Variants in BLM observed in about 807,000 individuals in gnomAD.
BLM encodes the protein BLM RecQ like helicase.
BLM carries 95 observed loss-of-function variants against 135.3 expected under a neutral mutation model. That is an observed-to-expected ratio of 0.70 (90% CI 0.59 to 0.83). The LOEUF (loss-of-function observed/expected upper bound fraction) is 0.83. Among genes scored for constraint, BLM ranks in the 40% least tolerant of loss-of-function variants. The pLI is 0.00. For missense variants in BLM, 1,518 were observed against 1,663.9 expected (o/e 0.91, Z 1.53); for synonymous variants, 520 against 589.2 (o/e 0.88, Z 1.70).
intron 12 of BLM, among the ~76,000 whole-genome samples, chr15:90,773,095 CAA>C (rs780966709): frequency 9.2e-5 from 4 of 43,428 alleles, no homozygotes; most frequent in Admixed American, 2.9e-4. Flanking sequence ...GAGACTGTCT[CAA>C]AAAAAAAAAA....
At chr15:90,765,520 A>C (rs1293318433) in intron 9 of BLM, 106 bp downstream of exon 9, 2 of 930,980 alleles carry the variant, frequency 2.1e-6, no homozygotes, top group Non-Finnish European at 3.3e-6. Context: ...AAAATAAAGC[A>C]CAGCAGTTAA....
chr15:90,752,403 C>G (rs982741109), intron 4 of BLM, among the ~76,000 whole-genome samples: 4 of 152,108 alleles, frequency 2.6e-5, no homozygotes, highest in Non-Finnish European at 4.4e-5. Flanking sequence ...TCTTGAACCC[C>G]TGAGCTCAGG....
At chr15:90,781,280 G>A (rs1896610943) in intron 12 of BLM, among the ~76,000 whole-genome samples, 1 of 152,028 alleles carries the variant, frequency 6.6e-6, no homozygotes, top group East Asian at 1.9e-4. Flanking sequence ...CAATCTTTTG[G>A]CTTCCCTGGG....
intron 1 of BLM, among the ~76,000 whole-genome samples, chr15:90,720,795 T>C (rs1894744521): frequency 6.6e-6 from 1 of 152,142 alleles, no homozygotes; most frequent in Admixed American, 6.5e-5. Flanking sequence ...GGTCTCGCCG[T>C]GTTGTTCAGG....
At chr15:90,773,477 C>A (rs1896382970) in intron 12 of BLM, among the ~76,000 whole-genome samples, 1 of 147,770 alleles carries the variant, frequency 6.8e-6, no homozygotes, top group African/African-American at 2.5e-5. Flanking sequence ...ATTTACATAC[C>A]ATAAAATTCA....
At chr15:90,762,850 A>G in intron 7 of BLM, 116 bp from the exon 8 acceptor site, 1 of 980,264 alleles carries the variant, frequency 1.0e-6, no homozygotes, top group Non-Finnish European at 1.5e-6. Context: ...AAAGAGTTTA[A>G]GAACTGTGCT....
intron 1 of BLM, among the ~76,000 whole-genome samples, chr15:90,737,876 AATTG>A (rs1895259794): frequency 6.6e-6 from 1 of 152,178 alleles, no homozygotes. Context: ...GACAAAACAG[AATTG>A]ATTCTTTGAA....
At position 90,815,559 on chromosome 15, in the gene BLM, C is replaced by T; in HGVS notation, c.*280C>T. ...AGTGCAAGAGCTTCTGAGCATAACA[C>T]GAAACCCAGAAGCCAAAGGAAGAGC... On this transcript the variant is annotated 3_prime_UTR_variant, in exon 22 of 22. Coordinates refer to ENST00000355112, the MANE Select transcript of BLM (RefSeq NM_000057.4). This position sits in a 1 kb window ranked among gnomAD's most constrained non-coding sequence, Gnocchi z 4.6. The T allele has an allele frequency of 6.9e-6, 3 of 435,062 alleles. No homozygotes were observed. The highest frequency in any genetic ancestry group is 8.2e-6 in the Non-Finnish European group (2 of 242,622). 27.0% of individuals were successfully genotyped at this position (435,062 alleles called of 1,614,324 possible).
In BLM at chr15:90,772,730, C is replaced by T. The variant is rs75471456; in HGVS notation, c.2555+3144C>T. ...AGAAGACAAGATAAGCTAGAACCCC[C>T]AGTAACAGCTGTTACAAGGAGGGGT... On this transcript the variant is annotated intron_variant, in intron 12 of 21. Transcript: ENST00000355112. Among the ~76,000 whole-genome samples the T allele has an allele frequency of 8.3e-3, 1,257 of 152,252 alleles. 16 individuals carry two copies. The highest frequency in any genetic ancestry group is 0.027 in the African/African-American group (1,139 of 41,530).
intron 5 of BLM, among the ~76,000 whole-genome samples, chr15:90,758,951 A>T (rs1313316593): frequency 6.6e-6 from 1 of 152,188 alleles, no homozygotes; most frequent in Admixed American, 6.5e-5. Context: ...AGATCAAAAC[A>T]ACAGGTAGGG....
At chr15:90,809,850 A>G (rs901758329) in intron 20 of BLM, among the ~76,000 whole-genome samples, 1 of 152,152 alleles carries the variant, frequency 6.6e-6, no homozygotes, top group Non-Finnish European at 1.5e-5. Context: ...TTTAGAAATC[A>G]TTGACCTGGG....
intron 8 of BLM, among the ~76,000 whole-genome samples, chr15:90,763,842 A>C (rs987879207): frequency 2.0e-5 from 3 of 152,238 alleles, no homozygotes; most frequent in African/African-American, 7.2e-5. Context: ...TTAAATCAAC[A>C]GGGCAGAGCG....
intron 1 of BLM, among the ~76,000 whole-genome samples, chr15:90,739,445 T>C (rs1895306694): frequency 6.6e-6 from 1 of 151,980 alleles, no homozygotes; most frequent in African/African-American, 2.4e-5. Flanking sequence ...GCATGGTGAC[T>C]CATACCTGTA....
At chr15:90,804,513 G>C (rs777783568) in intron 19 of BLM, among the ~76,000 whole-genome samples, 154 bp downstream of exon 19, 8 of 152,112 alleles carry the variant, frequency 5.3e-5, no homozygotes, top group African/African-American at 7.2e-5. Flanking sequence ...ACCCGGGCTG[G>C]AGTGCTGTGG....
At chr15:90,743,880 C>T (rs925479956) in intron 1 of BLM, among the ~76,000 whole-genome samples, 6 of 152,102 alleles carry the variant, frequency 3.9e-5, no homozygotes, top group Non-Finnish European at 5.9e-5. Context: ...GGTGCTACCT[C>T]GTGAGGAATA....
intron 9 of BLM, among the ~76,000 whole-genome samples, chr15:90,765,863 A>C (rs1284089080): frequency 1.3e-5 from 2 of 152,234 alleles, no homozygotes; most frequent in Admixed American, 6.5e-5. Context: ...CTGTAATCCC[A>C]GTGACTTGGA....
At chr15:90,803,801 C>G in intron 18 of BLM, 81 bp downstream of exon 18, 1 of 1,388,164 alleles carries the variant, frequency 7.2e-7, no homozygotes, top group Non-Finnish European at 1.0e-6. Flanking sequence ...GTGTCTTTGT[C>G]CAAGCTTATA....
chr15:90,766,913 C>G lies in BLM; in HGVS notation c.2197C>G (p.Pro733Ala). Residue 733 changes from proline to alanine, a missense_variant, in exon 10 of 22, where the codon CCA becomes GCA. Around this residue, in one of 5 missense-constraint regions of BLM, gnomAD observed 626 missense variants for 681.1 expected, o/e 0.92. Coordinates refer to ENST00000355112, the MANE Select transcript of BLM (RefSeq NM_000057.4). ...QVQKLTSLDI[P>A]ATYLTGDKTD... ...TGTTTACTACTTTTATACTTAGATT[C>G]CAGCTACATATCTGACAGGTGATAA... 6.3e-7 allele frequency: 1 copy of G among 1,574,952 alleles called. No individual in the cohort carries two copies. Among genetic ancestry groups the G allele is most frequent in the Non-Finnish European group, 8.7e-7 (1 of 1,145,916 alleles).
At chr15:90,807,934 G>T (rs755567809) in intron 19 of BLM, among the ~76,000 whole-genome samples, 1 of 152,162 alleles carries the variant, frequency 6.6e-6, no homozygotes, top group Non-Finnish European at 1.5e-5. Context: ...CCGCAAGGCA[G>T]CTGCCATTTA....
Sources: gnomAD v4.1 joint callset for allele counts (sites outside exome capture counted in the v4.1 genomes callset) on GRCh38, gnomAD v4.1.1 for gene constraint, gnomAD v4.1.1 regional missense constraint, Gnocchi (gnomAD v3.1) non-coding constraint, MANE v1.5 for transcripts, NCBI Gene and HGNC (gene_info 2026-07-23, HGNC 2026-07-21) for gene names.